GRM5: variants seen among roughly 807,000 people sequenced by gnomAD.
The protein encoded by GRM5 is metabotropic glutamate receptor 5.
Under a neutral mutation model 83.1 loss-of-function variants are expected in GRM5, and 19 were observed. The ratio of observed to expected loss-of-function variants is 0.23; its 90% CI spans 0.16 to 0.34. GRM5 has a LOEUF of 0.34. Ranked by LOEUF, GRM5 falls within the 10% of genes least tolerant of loss-of-function variation. GRM5 has a pLI of 1.00. For synonymous variants in GRM5, 675 were observed against 633.6 expected (o/e 1.07, Z -0.98); for missense variants, 1,160 against 1,588.3 (o/e 0.73, Z 4.58).
intron 2 of GRM5, among the ~76,000 whole-genome samples, chr11:88,948,458 T>C (rs1336550100): frequency 1.3e-5 from 2 of 152,216 alleles, no homozygotes; most frequent in Non-Finnish European, 2.9e-5. Context: ...CCAACGATAC[T>C]GAAAAATGAA....
intron 3 of GRM5, among the ~76,000 whole-genome samples, chr11:88,717,606 A>T (rs1230348768): frequency 1.3e-5 from 2 of 151,882 alleles, no homozygotes; most frequent in African/African-American, 4.8e-5. Flanking sequence ...GCTCTAAGTA[A>T]ATAAATCTTT....
intron 2 of GRM5, among the ~76,000 whole-genome samples, chr11:88,997,088 G>C (rs1303806980): frequency 6.6e-6 from 1 of 152,122 alleles, no homozygotes; most frequent in African/African-American, 2.4e-5. Context: ...AGTTTGGGAG[G>C]CTGAGGCAGG....
intron 2 of GRM5, among the ~76,000 whole-genome samples, chr11:88,922,898 A>G (rs1430880993): frequency 6.6e-6 from 1 of 152,178 alleles, no homozygotes; most frequent in Non-Finnish European, 1.5e-5. Flanking sequence ...CTGATAATCC[A>G]GTTTAAAATG....
intron 2 of GRM5, among the ~76,000 whole-genome samples, chr11:88,937,151 A>C (rs1476776561): frequency 6.6e-6 from 1 of 151,714 alleles, no homozygotes; most frequent in Non-Finnish European, 1.5e-5. Flanking sequence ...GTGAGTATTG[A>C]GCTTAATTTG....
chr11:88,711,045 G>A (rs185098208), intron 3 of GRM5, among the ~76,000 whole-genome samples: 2 of 152,126 alleles, frequency 1.3e-5, no homozygotes, highest in East Asian at 1.9e-4. Flanking sequence ...TGTTTATAAA[G>A]GTGTCAGCAA....
intron 3 of GRM5, among the ~76,000 whole-genome samples, chr11:88,675,538 T>G (rs1270049825): frequency 6.6e-6 from 1 of 151,950 alleles, no homozygotes; most frequent in Non-Finnish European, 1.5e-5. Context: ...TTAACAAAAT[T>G]TTGATATAGA....
chr11:88,797,321 T>C (rs576173031), intron 3 of GRM5, among the ~76,000 whole-genome samples: 2 of 152,198 alleles, frequency 1.3e-5, no homozygotes, highest in Admixed American at 6.5e-5. Context: ...CGCTAATTTT[T>C]AGTAGAGACG....
At chr11:88,812,797 C>CTT (rs1192541311) in intron 3 of GRM5, among the ~76,000 whole-genome samples, 2 of 152,192 alleles carry the variant, frequency 1.3e-5, no homozygotes, top group Non-Finnish European at 1.5e-5. Context: ...TTAAAATACT[C>CTT]TTTTTGAAGC....
At chr11:88,801,063 T>C (rs1364115357) in intron 3 of GRM5, among the ~76,000 whole-genome samples, 1 of 152,128 alleles carries the variant, frequency 6.6e-6, no homozygotes, top group East Asian at 1.9e-4. Context: ...TTGGCTATAT[T>C]GTACTGGGGT....
chr11:88,817,288 A>G (rs1008103622), intron 3 of GRM5, among the ~76,000 whole-genome samples: 5 of 152,128 alleles, frequency 3.3e-5, no homozygotes, highest in African/African-American at 1.2e-4. Flanking sequence ...AGTACATAAA[A>G]TGCTCTTTTG....
chr11:88,604,245 A>T (rs1223138234), intron 5 of GRM5, among the ~76,000 whole-genome samples: 5 of 152,186 alleles, frequency 3.3e-5, no homozygotes, highest in African/African-American at 1.2e-4. Flanking sequence ...CCAGCTGGAG[A>T]ATAATAAAAT....
intron 1 of GRM5, among the ~76,000 whole-genome samples, chr11:89,059,364 G>A (rs1373944644): frequency 4.6e-5 from 7 of 152,104 alleles, no homozygotes; most frequent in Non-Finnish European, 7.4e-5. Context: ...GCATTTGCAT[G>A]TTTATTTTAA....
intron 9 of GRM5, among the ~76,000 whole-genome samples, chr11:88,511,326 C>T (rs1941363744): frequency 6.6e-6 from 1 of 152,216 alleles, no homozygotes; most frequent in Non-Finnish European, 1.5e-5. Context: ...GGCTGCCTGA[C>T]TGGCCCTGCA....
chr11:89,052,511 A>T (rs1460637657), intron 1 of GRM5, among the ~76,000 whole-genome samples: 1 of 152,182 alleles, frequency 6.6e-6, no homozygotes, highest in Non-Finnish European at 1.5e-5. Context: ...CACATGGAAG[A>T]TACTATATTC....
chr11:89,044,796 AC>A (rs1258405679), intron 2 of GRM5, among the ~76,000 whole-genome samples: 2 of 151,818 alleles, frequency 1.3e-5, no homozygotes, highest in African/African-American at 4.8e-5. Context: ...GATAACTGAC[AC>A]TATCATTTCA....
chr11:88,756,206 G>A (rs1459783203), intron 3 of GRM5, among the ~76,000 whole-genome samples: 1 of 152,064 alleles, frequency 6.6e-6, no homozygotes, highest in Non-Finnish European at 1.5e-5. Flanking sequence ...TTGCCATTTA[G>A]AATAAAGAAA....
intron 3 of GRM5, among the ~76,000 whole-genome samples, chr11:88,666,749 G>A (rs1940055474): frequency 6.6e-6 from 1 of 152,166 alleles, no homozygotes; most frequent in South Asian, 2.1e-4. Context: ...TCACTATCAA[G>A]CTAGCTTAAA....
intron 2 of GRM5, among the ~76,000 whole-genome samples, chr11:88,937,672 C>T (rs745636324): frequency 4.0e-5 from 6 of 151,656 alleles, no homozygotes; most frequent in Admixed American, 1.3e-4. Context: ...AGAGAGTCCA[C>T]CAGGCCCTCA....
At chr11:88,596,773 T>A (rs1937818730) in intron 6 of GRM5, among the ~76,000 whole-genome samples, 1 of 152,110 alleles carries the variant, frequency 6.6e-6, no homozygotes, top group Non-Finnish European at 1.5e-5. Flanking sequence ...TCCATGATAT[T>A]TTCTCACATA....
Sources: gnomAD v4.1 joint callset for allele counts (sites outside exome capture counted in the v4.1 genomes callset) on GRCh38, gnomAD v4.1.1 for gene constraint, MANE v1.5 for transcripts, NCBI Gene and HGNC (gene_info 2026-07-23, HGNC 2026-07-21) for gene names.